SCFD1: variants seen among roughly 807,000 people sequenced by gnomAD.
The protein encoded by SCFD1 is sec1 family domain containing 1, also known as sec1 family domain-containing protein 1.
A neutral mutation model predicts 103.2 loss-of-function variants in SCFD1; 37 were observed. The ratio of observed to expected loss-of-function variants is 0.36; its 90% CI spans 0.28 to 0.47. The LOEUF is 0.47. SCFD1 is among the 20% of genes least tolerant of loss of function. The pLI is 1.00. For synonymous variants in SCFD1, 264 were observed against 245.0 expected (o/e 1.08, Z -0.73); for missense variants, 639 against 761.2 (o/e 0.84, Z 1.89).
intron 23 of SCFD1, among the ~76,000 whole-genome samples, chr14:30,732,148 C>T (rs982030516): frequency 1.3e-5 from 2 of 152,086 alleles, no homozygotes; most frequent in Non-Finnish European, 2.9e-5. Context: ...AAAATCCAAC[C>T]GATTTTTATG....
At chr14:30,711,018 A>C (rs1422351288) in intron 19 of SCFD1, among the ~76,000 whole-genome samples, 1 of 152,244 alleles carries the variant, frequency 6.6e-6, no homozygotes, top group Non-Finnish European at 1.5e-5. Context: ...TTTGTGCATC[A>C]CAAGTATCAA....
intron 10 of SCFD1, among the ~76,000 whole-genome samples, chr14:30,666,651 C>T (rs1207864434): frequency 2.0e-5 from 3 of 151,992 alleles, no homozygotes; most frequent in Non-Finnish European, 1.5e-5. Flanking sequence ...TGATAGACTG[C>T]TAGCAAGACT....
At chr14:30,648,739 A>G (rs993026276) in intron 7 of SCFD1, among the ~76,000 whole-genome samples, 11 of 152,132 alleles carry the variant, frequency 7.2e-5, no homozygotes, top group African/African-American at 1.4e-4. Flanking sequence ...TTTGTCTACA[A>G]CCTTTCGAGT....
intron 21 of SCFD1, among the ~76,000 whole-genome samples, chr14:30,721,143 A>C (rs950185678): frequency 6.6e-6 from 1 of 152,140 alleles, no homozygotes; most frequent in Non-Finnish European, 1.5e-5. Context: ...CTTCTGTGGA[A>C]TATTCAGACA....
At chr14:30,733,513 T>G (rs1442083810) in intron 23 of SCFD1, among the ~76,000 whole-genome samples, 1 of 152,192 alleles carries the variant, frequency 6.6e-6, no homozygotes, top group Non-Finnish European at 1.5e-5. Context: ...GTGGGGACTG[T>G]ACAAGTCAGG....
intron 19 of SCFD1, chr14:30,715,567 T>TG (rs1347584581): frequency 9.7e-6 from 1 of 102,800 alleles, no homozygotes; most frequent in Non-Finnish European, 1.8e-5. Context: ...AGTCTCCATG[T>TG]CAAAAAAAAA....
intron 10 of SCFD1, among the ~76,000 whole-genome samples, chr14:30,666,696 G>A (rs10140887): frequency 0.064 from 9,637 of 151,504 alleles, 434 homozygotes; most frequent in African/African-American, 0.11. Flanking sequence ...TCAAATAGAC[G>A]CAATAAAAAA....
chr14:30,676,201 C>T (rs970413198), intron 14 of SCFD1: 1 of 152,092 alleles, frequency 6.6e-6, no homozygotes, highest in African/African-American at 2.4e-5. Context: ...TCCTTCAGGT[C>T]GGAGACTAGA....
chr14:30,628,449 A>G (rs530609542), intron 2 of SCFD1, among the ~76,000 whole-genome samples, 170 bp downstream of exon 2: 2 of 152,340 alleles, frequency 1.3e-5, no homozygotes, highest in East Asian at 1.9e-4. Context: ...CAGACATTCT[A>G]TGGAGTGAGA....
chr14:30,626,722 T>A (rs1883493716), intron 1 of SCFD1, among the ~76,000 whole-genome samples: 1 of 152,148 alleles, frequency 6.6e-6, no homozygotes, highest in Non-Finnish European at 1.5e-5. Flanking sequence ...TGTGTCTCAT[T>A]TCCTGGCTCC....
At chr14:30,656,326 C>G (rs963151367) in intron 10 of SCFD1, among the ~76,000 whole-genome samples, 1 of 152,084 alleles carries the variant, frequency 6.6e-6, no homozygotes, top group Admixed American at 6.6e-5. Context: ...ATCCAAACAG[C>G]GAAGTTAATG....
At chr14:30,656,508 G>A (rs1400251278) in intron 10 of SCFD1, among the ~76,000 whole-genome samples, 1 of 152,074 alleles carries the variant, frequency 6.6e-6, no homozygotes, top group Non-Finnish European at 1.5e-5. Context: ...TGACTCTCTA[G>A]GTGCCAGTGG....
chr14:30,724,746 A>G (rs1009608347), intron 23 of SCFD1, among the ~76,000 whole-genome samples: 5 of 152,162 alleles, frequency 3.3e-5, no homozygotes, highest in Admixed American at 6.5e-5. Context: ...TATCTTTGTC[A>G]TGAAATCTTT....
intron 17 of SCFD1, among the ~76,000 whole-genome samples, chr14:30,703,927 AT>A (rs1891260564): frequency 4.1e-5 from 2 of 48,206 alleles, no homozygotes; most frequent in South Asian, 6.9e-4. Context: ...ATATATATAT[AT>A]ATATATATAT....
At chr14:30,672,014 T>TAAAAA (rs567181542) in intron 11 of SCFD1, among the ~76,000 whole-genome samples, 2 of 136,212 alleles carry the variant, frequency 1.5e-5, no homozygotes, top group Non-Finnish European at 1.6e-5. Flanking sequence ...AACTCCATCT[T>TAAAAA]AAAAAAAAAA....
intron 4 of SCFD1, among the ~76,000 whole-genome samples, chr14:30,637,376 T>G (rs1884836661): frequency 6.6e-6 from 1 of 152,098 alleles, no homozygotes; most frequent in Non-Finnish European, 1.5e-5. Context: ...TCCTCATACA[T>G]AAATAATTTC....
intron 23 of SCFD1, among the ~76,000 whole-genome samples, chr14:30,726,604 C>T (rs1893061872): frequency 6.6e-6 from 1 of 152,144 alleles, no homozygotes. Flanking sequence ...ATTCTTTTTG[C>T]TCGCTCTGCC....
In SCFD1 at chr14:30,643,383, C is replaced by T; in HGVS notation, c.591C>T (p.Leu197=). The stretch of plus-strand genomic sequence containing the variant: ...TTATGGACACTATAGTTGACAGCCT[C>T]TTCTGCTTTTTTGTTACTCTGGGTA... ...ETVMDTIVDS[L]FCFFVTLGAV... is the part of the protein sequence containing the mutation. Residue 197 remains leucine (L), a synonymous_variant, in exon 7 of 25, where the codon CTC becomes CTT. Coordinates refer to ENST00000458591, the MANE Select transcript of SCFD1 (RefSeq NM_016106.4). The T allele has an allele frequency of 6.2e-7, 1 of 1,613,014 alleles. No homozygotes were observed. Among genetic ancestry groups the T allele is most frequent in the Non-Finnish European group, 8.5e-7 (1 of 1,179,122 alleles).
In SCFD1 at chr14:30,632,293, A is replaced by T. The variant is rs540673850; in HGVS notation, c.222-1654A>T. On this transcript the variant is annotated intron_variant, in intron 3 of 24. Coordinates refer to ENST00000458591, the MANE Select transcript of SCFD1 (RefSeq NM_016106.4). Reference sequence around the variant, plus strand: ...GACAGAATCTGGTTTAATCAGCTCAAATTCTTCAGTTGTATAATGAGCATT... The same window carrying T: ...GACAGAATCTGGTTTAATCAGCTCATATTCTTCAGTTGTATAATGAGCATT... Among the ~76,000 whole-genome samples the T allele has an allele frequency of 9.2e-5, 14 of 152,260 alleles. 1 individual carries two copies. In the South Asian group the frequency reaches 2.9e-3, roughly 31 times the overall value.
Sources: gnomAD v4.1 joint callset for allele counts (sites outside exome capture counted in the v4.1 genomes callset) on GRCh38, gnomAD v4.1.1 for gene constraint, MANE v1.5 for transcripts, NCBI Gene and HGNC (gene_info 2026-07-23, HGNC 2026-07-21) for gene names.